PLPPR1: variants seen among roughly 807,000 people sequenced by gnomAD.
The protein encoded by PLPPR1 is phospholipid phosphatase-related protein type 1.
PLPPR1 carries 10 observed loss-of-function variants against 33.1 expected under a neutral mutation model. The observed-to-expected ratio is 0.30, with a 90% CI of 0.19 to 0.51. The LOEUF (loss-of-function observed/expected upper bound fraction) is 0.51, where lower values mean the gene tolerates loss of function less well. Ranked by LOEUF, PLPPR1 falls within the 20% of genes least tolerant of loss-of-function variation. The probability of loss-of-function intolerance (pLI) is 0.97; values close to 1 mark genes in which losing one functional copy is unlikely to be tolerated. For synonymous variants in PLPPR1, 151 were observed against 151.0 expected (o/e 1.00, Z 0.00); for missense variants, 304 against 408.1 (o/e 0.74, Z 2.20).
chr9:101,097,590 T>C (rs756894269), intron 1 of PLPPR1, among the ~76,000 whole-genome samples: 42 of 152,206 alleles, frequency 2.8e-4, no homozygotes, highest in South Asian at 2.1e-4. Context: ...AAGGTATGTA[T>C]GTGTTTTACA....
At chr9:101,035,074 G>A (rs1438631588) in intron 1 of PLPPR1, among the ~76,000 whole-genome samples, 2 of 152,090 alleles carry the variant, frequency 1.3e-5, no homozygotes, top group Non-Finnish European at 2.9e-5. Context: ...CAGACAACAG[G>A]GACTTAGCTG....
chr9:101,119,395 A>G (rs985687487), intron 1 of PLPPR1, among the ~76,000 whole-genome samples: 3 of 152,214 alleles, frequency 2.0e-5, no homozygotes, highest in African/African-American at 2.4e-5. Flanking sequence ...AACCCTGGCC[A>G]TCAGATATGG....
chr9:101,285,430 T>A (rs374786270), intron 3 of PLPPR1, among the ~76,000 whole-genome samples: 1 of 152,172 alleles, frequency 6.6e-6, no homozygotes, highest in South Asian at 2.1e-4. Flanking sequence ...AGGAGAAATA[T>A]ATCTGAGGCA....
chr9:101,091,120 C>T (rs892376914), intron 1 of PLPPR1, among the ~76,000 whole-genome samples: 3 of 152,186 alleles, frequency 2.0e-5, no homozygotes, highest in Non-Finnish European at 1.5e-5. Flanking sequence ...TATTGCAGAA[C>T]TCCAAATTCA....
At chr9:101,120,666 G>A (rs1354522569) in intron 1 of PLPPR1, among the ~76,000 whole-genome samples, 1 of 152,148 alleles carries the variant, frequency 6.6e-6, no homozygotes, top group Non-Finnish European at 1.5e-5. Flanking sequence ...ACCACCATAT[G>A]CTCCCCTCCT....
At chr9:101,287,690 G>A (rs1207970797) in intron 4 of PLPPR1, among the ~76,000 whole-genome samples, 1 of 152,006 alleles carries the variant, frequency 6.6e-6, no homozygotes, top group Non-Finnish European at 1.5e-5. Context: ...TAGTAGAGAC[G>A]AGGTTCCACC....
At chr9:101,171,890 T>G (rs1404859425) in intron 1 of PLPPR1, among the ~76,000 whole-genome samples, 1 of 152,146 alleles carries the variant, frequency 6.6e-6, no homozygotes, top group Admixed American at 6.6e-5. Flanking sequence ...GAATGCCTAT[T>G]TAACCTGTGT....
intron 1 of PLPPR1, among the ~76,000 whole-genome samples, chr9:101,119,191 A>G (rs1831148743): frequency 6.6e-6 from 1 of 152,196 alleles, no homozygotes. Flanking sequence ...TGTTTAGTAC[A>G]TGAAAGGCGG....
intron 2 of PLPPR1, among the ~76,000 whole-genome samples, chr9:101,199,545 A>G (rs890580671): frequency 6.6e-6 from 1 of 152,220 alleles, no homozygotes; most frequent in Non-Finnish European, 1.5e-5. Context: ...CTCCTGATGC[A>G]TGATCTGTTG....
intron 6 of PLPPR1, among the ~76,000 whole-genome samples, chr9:101,315,235 T>C (rs1829030104): frequency 6.6e-6 from 1 of 152,218 alleles, no homozygotes; most frequent in South Asian, 2.1e-4. Context: ...AACCAACTCC[T>C]CTTCCCCCTA....
chr9:101,156,348 A>G (rs2118661433), intron 1 of PLPPR1, among the ~76,000 whole-genome samples: 1 of 152,090 alleles, frequency 6.6e-6, no homozygotes, highest in East Asian at 1.9e-4. Flanking sequence ...TCAAGAGTTC[A>G]AGACCAGCCT....
At chr9:101,315,962 A>G (rs1829043594) in intron 6 of PLPPR1, among the ~76,000 whole-genome samples, 1 of 152,222 alleles carries the variant, frequency 6.6e-6, no homozygotes, top group African/African-American at 2.4e-5. Flanking sequence ...TGCTTTATAG[A>G]CAGCTAATCA....
chr9:101,185,241 G>A, intron 1 of PLPPR1: 1 of 397,624 alleles, frequency 2.5e-6, no homozygotes, highest in Non-Finnish European at 4.4e-6. Flanking sequence ...CATTTTGGCT[G>A]TAAAACTATT....
intron 2 of PLPPR1, among the ~76,000 whole-genome samples, chr9:101,258,836 G>A (rs573641360): frequency 1.3e-5 from 2 of 152,152 alleles, no homozygotes; most frequent in South Asian, 2.1e-4. Flanking sequence ...ACTTGCTGTA[G>A]GATTTTATAT....
intron 1 of PLPPR1, among the ~76,000 whole-genome samples, chr9:101,081,850 GAC>G (rs1320261249): frequency 6.6e-6 from 1 of 152,212 alleles, no homozygotes; most frequent in Non-Finnish European, 1.5e-5. Flanking sequence ...TAGCTGAATT[GAC>G]ACAGAGCTAG....
chr9:101,065,870 A>G (rs185515445), intron 1 of PLPPR1, among the ~76,000 whole-genome samples: 92 of 152,188 alleles, frequency 6.0e-4, no homozygotes, highest in African/African-American at 2.0e-3. Flanking sequence ...AAGTTGCAAG[A>G]CTATTACAGG....
Position 101,286,156 on chromosome 9 carries a change from T to C in PLPPR1, c.305T>C (p.Leu102Pro). The change falls in exon 4 of 8, where the codon CTG becomes CCG. Residue 102 changes from leucine to proline, a missense_variant. Physicochemically the swap from Leu to Pro is moderately conservative, Grantham distance 98 (BLOSUM62 -3). Transcript: ENST00000374874. ...MYFIKSTRES[L>P]IAQEKTILTG... ...TTCATAAAATCAACAAGAGAATCCC[T>C]GATTGCTCAGGAGAAAACAATTCTG... 1 of 1,612,916 alleles carries C rather than the reference T, an allele frequency of 6.2e-7. No individual in the cohort carries two copies. The highest frequency in any genetic ancestry group is 1.3e-5 in the African/African-American group (1 of 75,038).
intron 1 of PLPPR1, among the ~76,000 whole-genome samples, chr9:101,039,608 A>T (rs958062513): frequency 3.3e-5 from 5 of 152,150 alleles, no homozygotes; most frequent in Non-Finnish European, 7.4e-5. Flanking sequence ...TTTACAAAGG[A>T]AAGAGGTTTA....
chr9:101,091,320 A>G (rs766180010), intron 1 of PLPPR1, among the ~76,000 whole-genome samples: 2 of 152,148 alleles, frequency 1.3e-5, no homozygotes, highest in African/African-American at 2.4e-5. Context: ...AGTGATTTAA[A>G]TGTACAACTT....
Sources: allele counts gnomAD v4.1 joint callset (sites outside exome capture counted in the v4.1 genomes callset), GRCh38; gene constraint gnomAD v4.1.1; transcripts MANE v1.5; gene names NCBI Gene and HGNC (gene_info 2026-07-23, HGNC 2026-07-21).